Variants in STX10 observed in about 807,000 individuals in gnomAD.
The protein encoded by STX10 is syntaxin 10.
STX10 carries 35 observed loss-of-function variants against 34.1 expected under a neutral mutation model. The ratio of observed to expected loss-of-function variants is 1.03; its 90% confidence interval spans 0.78 to 1.36. The LOEUF is 1.36. Ranked by LOEUF, STX10 falls within the 40% of genes most tolerant of loss-of-function variation. The pLI, the probability that STX10 is intolerant of heterozygous loss-of-function variation, is 0.00. For synonymous variants in STX10, 155 were observed against 132.9 expected, an observed-to-expected ratio of 1.17 and a Z score of -1.15; for missense variants, 361 against 335.5, an observed-to-expected ratio of 1.08 and a Z score of -0.59.
At chr19:13,149,952 C>T in intron 1 of STX10, 55 bp from the exon 2 acceptor site, 2 of 1,524,122 alleles carry the variant, frequency 1.3e-6, no homozygotes, top group African/African-American at 1.4e-5. Flanking sequence ...TCCCGCCTGC[C>T]TCTGCCCCCG....
Position 13,149,593 on chromosome 19 carries a change from C to G in STX10, c.206G>C (p.Gly69Ala). The change falls in exon 3 of 8, where the codon GGT becomes GCT. Residue 69 changes from glycine to alanine, a missense_variant and splice_region_variant. Gly to Ala is a moderately conservative substitution (Grantham distance 60, BLOSUM62 0). Transcript: ENST00000587230. ...WDLEDLEETI[G>A]IVEANPGKFK... ...CTTGCCTGGGTTGGCTTCCACTATACGTGGGCTGAGAGTCAAGGGTCAAGG... is the reference window on the plus strand; with the variant it reads ...CTTGCCTGGGTTGGCTTCCACTATAGGTGGGCTGAGAGTCAAGGGTCAAGG... 6.2e-7 allele frequency: 1 copy of G among 1,614,034 alleles called. No homozygotes were observed. Among genetic ancestry groups the G allele is most frequent in the Non-Finnish European group, 8.5e-7 (1 of 1,179,976 alleles).
chr19:13,146,025 C>CAAA (rs71168666), intron 4 of STX10, among the ~76,000 whole-genome samples: 72 of 75,936 alleles, frequency 9.5e-4, no homozygotes, highest in South Asian at 2.5e-3. Flanking sequence ...GACCTTCTCT[C>CAAA]AAAAAAAAAA....
In STX10 at chr19:13,145,378, T is replaced by G; in HGVS notation, c.381A>C (p.Pro127=). 6.2e-7 allele frequency: 1 copy of G among 1,611,244 alleles called. No homozygotes were observed. The highest frequency in any genetic ancestry group is 2.2e-5 in the East Asian group (1 of 44,884). The part of the protein sequence containing the change: ...RNNREILAGK[P]AAQKSPSDLL... Reference sequence around the variant, plus strand: ...GGTCGCTGGGTGACTTCTGGGCAGCTGGCTTGCCTGCGAGTATCTGCAGGG... The same window carrying G: ...GGTCGCTGGGTGACTTCTGGGCAGCGGGCTTGCCTGCGAGTATCTGCAGGG... Residue 127 remains proline (P), a synonymous_variant, in exon 5 of 8, where the codon CCA becomes CCC. Transcript: ENST00000587230.
chr19:13,144,070 A>T lies in STX10; in HGVS notation c.*340T>A. The T allele has an allele frequency of 2.8e-6, 1 of 355,908 alleles. No homozygotes were observed. The highest frequency in any genetic ancestry group is 5.2e-6 in the Non-Finnish European group (1 of 191,658). 22.0% of individuals were successfully genotyped at this position (355,908 alleles called of 1,614,324 possible). The stretch of plus-strand genomic sequence containing the variant: ...CACACGACACAAATACGTATAAAAA[A>T]GGCTGACATTTTATTTCCAGGTTGG... On this transcript the variant is annotated 3_prime_UTR_variant, in exon 8 of 8. Transcript: ENST00000587230.
chr19:13,144,535 C>T (rs2019850362), intron 7 of STX10, 42 bp downstream of exon 7: 1 of 1,613,926 alleles, frequency 6.2e-7, no homozygotes, highest in Non-Finnish European at 8.5e-7. Context: ...CCACCTACAA[C>T]CTGCCCCCAC....
chr19:13,145,514 C>A, intron 4 of STX10, 119 bp from the exon 5 acceptor site: 1 of 738,170 alleles, frequency 1.4e-6, no homozygotes, highest in Non-Finnish European at 2.2e-6. Flanking sequence ...AGCCTGCATT[C>A]CCCACTCACC....
Position 13,144,451 on chromosome 19 carries a change from C to A in STX10, c.709G>T (p.Gly237Trp). The A allele has an allele frequency of 6.2e-7, 1 of 1,613,010 alleles. No individual in the cohort carries two copies. ...RQWCAIAVLVGVLLLVLILLF... is the reference protein window; with the variant it reads ...RQWCAIAVLVWVLLLVLILLF... ...AAGATGAGAACGAGGAGAAGCACCCCCACTAGCACGGCGATGGCACACCAC... is the reference window on the plus strand; with the variant it reads ...AAGATGAGAACGAGGAGAAGCACCCACACTAGCACGGCGATGGCACACCAC... Residue 237 changes from glycine to tryptophan, a missense_variant, in exon 8 of 8, where the codon GGG becomes TGG. By Grantham distance (184) the Gly-to-Trp change is radical. Transcript: ENST00000587230.
rs768813123 is a variant in STX10 at position 13,144,417 on chromosome 19, G to A, written c.743C>T (p.Ser248Phe). The A allele has an allele frequency of 4.3e-6, 7 of 1,610,078 alleles. No individual in the cohort carries two copies. The African/African-American group carries it at 9.3e-5, about 21-fold the overall frequency. ...TGCCAGGGAGGGCTGGGGTCAGAGAGAGAATAGTAAGATGAGAACGAGGAG... is the reference window on the plus strand; with the variant it reads ...TGCCAGGGAGGGCTGGGGTCAGAGAAAGAATAGTAAGATGAGAACGAGGAG... ...VLLLVLILLFSL is the reference protein window; with the variant it reads ...VLLLVLILLFFL Residue 248 changes from serine to phenylalanine, a missense_variant, in exon 8 of 8, where the codon TCT (serine) becomes TTT (phenylalanine). Ser to Phe is a radical substitution (Grantham distance 155, BLOSUM62 -2). Transcript: ENST00000587230.
At chr19:13,147,945 A>G (rs1166424146) in intron 4 of STX10, among the ~76,000 whole-genome samples, 1 of 146,720 alleles carries the variant, frequency 6.8e-6, no homozygotes, top group Non-Finnish European at 1.5e-5. Context: ...ATGTGCCTGT[A>G]TTACAGCTAC....
chr19:13,147,434 C>A (rs2019926317), intron 4 of STX10, among the ~76,000 whole-genome samples: 1 of 151,588 alleles, frequency 6.6e-6, no homozygotes, highest in African/African-American at 2.4e-5. Flanking sequence ...CACTGCACCC[C>A]AGCCTGGGCA....
chr19:13,149,625 C>T (rs973969913), intron 2 of STX10, 32 bp from the exon 3 acceptor site: 27 of 1,613,354 alleles, frequency 1.7e-5, no homozygotes, highest in Non-Finnish European at 2.3e-5. Context: ...AAGGCCGGAG[C>T]CAGATATCAT....
In STX10 at chr19:13,144,294, C is replaced by T. The variant is rs1341201770; in HGVS notation, c.*116G>A. 8.0e-5 allele frequency: 113 copies of T among 1,417,216 alleles called. No individual in the cohort carries two copies. Among genetic ancestry groups the T allele is most frequent in the Non-Finnish European group, 1.0e-4 (107 of 1,047,260 alleles). 87.8% of individuals were successfully genotyped at this position (1,417,216 alleles called of 1,614,324 possible). On this transcript the variant is annotated 3_prime_UTR_variant, in exon 8 of 8. Coordinates refer to ENST00000587230, the MANE Select transcript of STX10 (RefSeq NM_003765.3). Reference sequence around the variant, plus strand: ...CATGGGGACAGCTCCCCAGGCGGGACCCTCTACTCTCCAGCTACCCAGGAG... The same window carrying T: ...CATGGGGACAGCTCCCCAGGCGGGATCCTCTACTCTCCAGCTACCCAGGAG...
Position 13,150,149 on chromosome 19 carries a change from C to T in STX10, c.25G>A (p.Val9Ile). 8.4e-7 allele frequency: 1 copy of T among 1,194,842 alleles called. No individual in the cohort carries two copies. Among genetic ancestry groups the T allele is most frequent in the Non-Finnish European group, 1.2e-6 (1 of 810,198 alleles). 74.0% of individuals were successfully genotyped at this position (1,194,842 alleles called of 1,614,324 possible). Residue 9 changes from valine to isoleucine, a missense_variant, in exon 1 of 8, where the codon GTA becomes ATA. Physicochemically the swap from Val to Ile is conservative, Grantham distance 29 (BLOSUM62 3). Transcript: ENST00000587230. This position sits in a 1 kb window ranked among gnomAD's most constrained non-coding sequence, Gnocchi z 4.0. MSLEDPFF[V>I]VRGEVQKAVN... Reference sequence around the variant, plus strand: ...GTCGTTGTCACTCACCCTCGGACTACAAAAAAGGGGTCTTCGAGAGACATG... The same window carrying T: ...GTCGTTGTCACTCACCCTCGGACTATAAAAAAGGGGTCTTCGAGAGACATG...
chr19:13,148,212 A>G (rs2019951094), intron 4 of STX10, among the ~76,000 whole-genome samples: 1 of 152,134 alleles, frequency 6.6e-6, no homozygotes, highest in African/African-American at 2.4e-5. Flanking sequence ...TATTAAAAAT[A>G]CAAAAATTAG....
chr19:13,147,212 G>A (rs151327535), intron 4 of STX10, among the ~76,000 whole-genome samples: 1 of 151,998 alleles, frequency 6.6e-6, no homozygotes, highest in East Asian at 1.9e-4. Context: ...AATAGGTTAG[G>A]TGCATGCACA....
At chr19:13,146,433 C>G (rs548701453) in intron 4 of STX10, among the ~76,000 whole-genome samples, 1 of 152,078 alleles carries the variant, frequency 6.6e-6, no homozygotes, top group South Asian at 2.1e-4. Context: ...TAGGGTTTCC[C>G]CATGTTGGCC....
intron 4 of STX10, among the ~76,000 whole-genome samples, chr19:13,147,571 C>T (rs1326677888): frequency 2.0e-5 from 3 of 152,040 alleles, no homozygotes; most frequent in Non-Finnish European, 2.9e-5. Context: ...CAAGACCATC[C>T]TGGCCAACAT....
intron 4 of STX10, among the ~76,000 whole-genome samples, chr19:13,147,235 G>A (rs1175492890): frequency 6.6e-6 from 1 of 152,028 alleles, no homozygotes; most frequent in African/African-American, 2.4e-5. Flanking sequence ...TGAAAAGGCG[G>A]GGGCGGATCA....
intron 5 of STX10, 25 bp downstream of exon 5, chr19:13,145,263 A>C: frequency 6.2e-7 from 1 of 1,602,950 alleles, no homozygotes; most frequent in Non-Finnish European, 8.5e-7. Flanking sequence ...TCCCCTCCCA[A>C]GATCCACCCC....
Sources: gnomAD v4.1 joint callset for allele counts (sites outside exome capture counted in the v4.1 genomes callset) on GRCh38, gnomAD v4.1.1 for gene constraint, Gnocchi (gnomAD v3.1) non-coding constraint, MANE v1.5 for transcripts, NCBI Gene and HGNC (gene_info 2026-07-23, HGNC 2026-07-21) for gene names.